The following FARS2 variants were observed in gnomAD, a reference collection of about 807,000 sequenced individuals.
FARS2 encodes the protein phenylalanine--tRNA ligase, mitochondrial.
FARS2 carries 40 observed loss-of-function variants against 46.4 expected under a neutral mutation model. That is an observed-to-expected ratio of 0.86 (90% CI 0.67 to 1.12). The LOEUF is 1.12. Among genes scored for constraint, FARS2 ranks in the 50% most tolerant of loss-of-function variants. FARS2 has a pLI of 0.00. For missense variants in FARS2, 513 were observed against 567.9 expected, an observed-to-expected ratio of 0.90 and a Z score of 0.98; for synonymous variants, 234 against 214.9, an observed-to-expected ratio of 1.09 and a Z score of -0.78.
chr6:5,410,163 T>G (rs998318003), intron 3 of FARS2, among the ~76,000 whole-genome samples: 3 of 151,208 alleles, frequency 2.0e-5, no homozygotes, highest in Non-Finnish European at 4.4e-5. Context: ...TTTTGTTTTT[T>G]TTTTTTTTGA....
intron 5 of FARS2, among the ~76,000 whole-genome samples, chr6:5,594,237 C>T (rs958004593): frequency 2.0e-5 from 3 of 152,198 alleles, no homozygotes; most frequent in African/African-American, 7.2e-5. Flanking sequence ...TGAAGTTCCC[C>T]TCGATGAGCA....
chr6:5,324,948 A>G (rs1770257191), intron 1 of FARS2, among the ~76,000 whole-genome samples: 1 of 152,062 alleles, frequency 6.6e-6, no homozygotes, highest in South Asian at 2.1e-4. Context: ...GCCGCAGGAA[A>G]GAGTTTTTAG....
At chr6:5,431,195 A>T (rs752150366) in intron 4 of FARS2, 23 bp downstream of exon 4, 5 of 1,612,258 alleles carry the variant, frequency 3.1e-6, no homozygotes, top group Non-Finnish European at 4.2e-6. Context: ...CCCACATTTT[A>T]TTTACACGTG....
At chr6:5,571,435 G>A (rs1338636669) in intron 5 of FARS2, among the ~76,000 whole-genome samples, 4 of 152,182 alleles carry the variant, frequency 2.6e-5, no homozygotes, top group African/African-American at 4.8e-5. Flanking sequence ...CCTCACCAAC[G>A]CACGTGGAGA....
intron 6 of FARS2, among the ~76,000 whole-genome samples, chr6:5,645,106 T>TA (rs1279135641): frequency 6.6e-5 from 10 of 152,174 alleles, no homozygotes; most frequent in Admixed American, 5.2e-4. Flanking sequence ...CAAGGGTGCT[T>TA]AAGTTTTTAT....
intron 1 of FARS2, among the ~76,000 whole-genome samples, chr6:5,268,778 A>G (rs927027526): frequency 4.1e-4 from 63 of 152,168 alleles, no homozygotes; most frequent in Non-Finnish European, 6.6e-4. Context: ...CACTGAATCT[A>G]TAAATTACCT....
At chr6:5,485,049 G>A in intron 4 of FARS2, among the ~76,000 whole-genome samples, 1 of 152,210 alleles carries the variant, frequency 6.6e-6, no homozygotes, top group Non-Finnish European at 1.5e-5. Flanking sequence ...TCCTCCCAAA[G>A]AGGGAGAAAG....
At chr6:5,759,479 C>A (rs1464780882) in intron 6 of FARS2, among the ~76,000 whole-genome samples, 3 of 152,108 alleles carry the variant, frequency 2.0e-5, no homozygotes, top group Admixed American at 2.0e-4. Context: ...GTCCTCAGTA[C>A]CCAGCAGAAT....
At chr6:5,628,439 G>T (rs905522559) in intron 6 of FARS2, among the ~76,000 whole-genome samples, 1 of 152,176 alleles carries the variant, frequency 6.6e-6, no homozygotes, top group East Asian at 1.9e-4. Flanking sequence ...CCCCTTTCTA[G>T]AAGCAGCTTC....
At chr6:5,267,271 T>C (rs894141772) in intron 1 of FARS2, among the ~76,000 whole-genome samples, 5 of 152,278 alleles carry the variant, frequency 3.3e-5, no homozygotes, top group Non-Finnish European at 5.9e-5. Flanking sequence ...TGTTGTAATC[T>C]GTTATAGATC....
intron 6 of FARS2, among the ~76,000 whole-genome samples, chr6:5,717,923 T>TAGAGAGAGAGAGAGAGAG (rs1240643852): frequency 0.013 from 408 of 31,210 alleles, 4 homozygotes; most frequent in Middle Eastern, 0.05. Context: ...TATATATATA[T>TAGAGAGAGAGAGAGAGAG]ATATATATAT....
At chr6:5,542,200 C>T (rs1217778975) in intron 4 of FARS2, among the ~76,000 whole-genome samples, 1 of 152,158 alleles carries the variant, frequency 6.6e-6, no homozygotes, top group Non-Finnish European at 1.5e-5. Context: ...CAGAATGCCT[C>T]ACCTCCTGGG....
At chr6:5,337,492 A>G (rs184361916) in intron 1 of FARS2, among the ~76,000 whole-genome samples, 2 of 152,100 alleles carry the variant, frequency 1.3e-5, no homozygotes, top group Non-Finnish European at 2.9e-5. Context: ...TTAAATTCCA[A>G]TTTTCTTTTG....
At chr6:5,736,848 G>A (rs1223563468) in intron 6 of FARS2, among the ~76,000 whole-genome samples, 1 of 151,978 alleles carries the variant, frequency 6.6e-6, no homozygotes, top group Non-Finnish European at 1.5e-5. Context: ...TAAGTACATG[G>A]CAAACCAATT....
chr6:5,400,860 T>C (rs1011053630), intron 2 of FARS2, among the ~76,000 whole-genome samples: 2 of 152,158 alleles, frequency 1.3e-5, no homozygotes, highest in African/African-American at 4.8e-5. Context: ...CTTATTGATA[T>C]ATAGATATTC....
chr6:5,379,898 GACTCA>G (rs1356276526), intron 2 of FARS2, among the ~76,000 whole-genome samples: 1 of 152,112 alleles, frequency 6.6e-6, no homozygotes, highest in Non-Finnish European at 1.5e-5. Flanking sequence ...ATATTTCAAG[GACTCA>G]ACTCAGTTTT....
chr6:5,260,917 C>T (rs1012047072), upstream of FARS2: 12 of 1,366,336 alleles, frequency 8.8e-6, no homozygotes, highest in South Asian at 1.2e-4. Flanking sequence ...CCAGGCGTCC[C>T]GCGCCGCTTC....
At chr6:5,718,758 T>A (rs753289973) in intron 6 of FARS2, among the ~76,000 whole-genome samples, 2 of 152,174 alleles carry the variant, frequency 1.3e-5, no homozygotes, top group South Asian at 2.1e-4. Flanking sequence ...GAAATCTGAC[T>A]CTCAGCCCGA....
chr6:5,459,590 C>T (rs777749130), intron 4 of FARS2, among the ~76,000 whole-genome samples: 6 of 152,146 alleles, frequency 3.9e-5, no homozygotes, highest in Non-Finnish European at 8.8e-5. Flanking sequence ...ATTTTGACCA[C>T]AGCACTTTGG....
Sources: allele counts gnomAD v4.1 joint callset (sites outside exome capture counted in the v4.1 genomes callset), GRCh38; gene constraint gnomAD v4.1.1; transcripts MANE v1.5; gene names NCBI Gene and HGNC (gene_info 2026-07-23, HGNC 2026-07-21).